The following CCNY variants were observed in gnomAD, a reference collection of about 807,000 sequenced individuals.
CCNY encodes the protein cyclin Y.
A neutral mutation model predicts 42.8 loss-of-function variants in CCNY; 19 were observed. The observed-to-expected ratio is 0.44, with a 90% confidence interval of 0.31 to 0.65. The LOEUF (loss-of-function observed/expected upper bound fraction) is 0.65. Ranked by LOEUF, CCNY falls within the 30% of genes least tolerant of loss-of-function variation. The pLI is 0.07. For synonymous variants in CCNY, 165 were observed against 162.7 expected, an observed-to-expected ratio of 1.01 and a Z score of -0.11; for missense variants, 370 against 437.3, an observed-to-expected ratio of 0.85 and a Z score of 1.37.
At chr10:35,529,679 A>G (rs999789397) in intron 5 of CCNY, among the ~76,000 whole-genome samples, 3 of 150,860 alleles carry the variant, frequency 2.0e-5, no homozygotes, top group African/African-American at 7.4e-5. Flanking sequence ...CCTGGCTAAC[A>G]TGGTGAAACC....
At chr10:35,406,232 TATTTA>T (rs1837762833) in intron 1 of CCNY, among the ~76,000 whole-genome samples, 1 of 148,746 alleles carries the variant, frequency 6.7e-6, no homozygotes, top group African/African-American at 2.5e-5. Flanking sequence ...TTTATTTATT[TATTTA>T]TTTATTTTTT....
At chr10:35,260,335 C>T (rs928502548) in intron 3 of CCNY, among the ~76,000 whole-genome samples, 1 of 152,128 alleles carries the variant, frequency 6.6e-6, no homozygotes, top group Admixed American at 6.6e-5. Flanking sequence ...AAGAGCCTAC[C>T]TCTGCAAGGC....
intron 3 of CCNY, among the ~76,000 whole-genome samples, chr10:35,310,824 C>G (rs1333181502): frequency 1.3e-5 from 2 of 152,142 alleles, no homozygotes; most frequent in African/African-American, 2.4e-5. Flanking sequence ...TTATATTATT[C>G]ACCAGGGCGA....
At chr10:35,320,954 C>CAA (rs879877771) in intron 3 of CCNY, 5 of 140,428 alleles carry the variant, frequency 3.6e-5, no homozygotes, top group Non-Finnish European at 6.2e-5. Flanking sequence ...ACAGCAAGAC[C>CAA]AAAAAAAAAA....
Position 35,572,127 on chromosome 10 carries a change from C to T in CCNY, c.*2957C>T, listed in dbSNP as rs1841698421. The T allele has an allele frequency of 6.6e-6, 1 of 152,174 alleles. No individual in the cohort carries two copies. The highest frequency in any genetic ancestry group is 6.5e-5 in the Admixed American group (1 of 15,274). 9.4% of individuals were successfully genotyped at this position (152,174 alleles called of 1,614,324 possible). On this transcript the variant is annotated 3_prime_UTR_variant, in exon 10 of 10. Coordinates refer to ENST00000374704, the MANE Select transcript of CCNY (RefSeq NM_145012.6). ...CTGCCTCCTCTTCTGGGCTGGCTTT[C>T]CTGTCTGCCTGCTCTCGGGCTTGGG...
In CCNY at chr10:35,263,356, CAAAAAAAAAAAAAAAA is replaced by C. The variant is rs71523372; in HGVS notation, c.-9+12743_-9+12758del. Reference sequence around the variant, plus strand: ...TGGATGACAGAGTGAGACTCCGTCTCAAAAAAAAAAAAAAAAAAAAAAAAAAAATTAAAAATTAGCT... The same window carrying C: ...TGGATGACAGAGTGAGACTCCGTCTCAAAAAAAAAAAATTAAAAATTAGCT... On this transcript the variant is annotated intron_variant, in intron 3 of 11. Coordinates refer to the CCNY transcript ENST00000374706. Among the ~76,000 whole-genome samples the C allele has an allele frequency of 2.4e-3, 105 of 44,318 alleles. 1 individual carries two copies. Among genetic ancestry groups the C allele is most frequent in the Admixed American group, 4.2e-3 (12 of 2,860 alleles). 29.1% of individuals were successfully genotyped at this position (44,318 alleles called of 152,430 possible). A position where few individuals can be genotyped will look rare whatever the true frequency, so the allele number is the denominator to read the frequency against.
chr10:35,271,743 C>T (rs2135044021), intron 3 of CCNY, among the ~76,000 whole-genome samples: 1 of 152,284 alleles, frequency 6.6e-6, no homozygotes, highest in Middle Eastern at 3.4e-3. Flanking sequence ...AATCCATTTC[C>T]TTGGCGCTTT....
intron 1 of CCNY, among the ~76,000 whole-genome samples, chr10:35,384,543 TC>T (rs1489437754): frequency 3.9e-5 from 6 of 152,244 alleles, no homozygotes; most frequent in Non-Finnish European, 5.9e-5. Flanking sequence ...TTAATATTTC[TC>T]CTTTTGACAT....
intron 1 of CCNY, among the ~76,000 whole-genome samples, chr10:35,403,097 A>C (rs899726657): frequency 4.4e-5 from 6 of 136,448 alleles, no homozygotes; most frequent in African/African-American, 1.6e-4. Flanking sequence ...GGCGGGGGAA[A>C]ATCCCTGAGC....
intron 1 of CCNY, among the ~76,000 whole-genome samples, chr10:35,459,850 T>TG (rs1839118441): frequency 2.6e-5 from 4 of 152,094 alleles, no homozygotes; most frequent in Admixed American, 6.6e-5. Context: ...GTTGGGTACT[T>TG]GGGGGGAATA....
At chr10:35,532,630 A>G (rs1165913877) in intron 7 of CCNY, among the ~76,000 whole-genome samples, 1 of 152,232 alleles carries the variant, frequency 6.6e-6, no homozygotes, top group Non-Finnish European at 1.5e-5. Flanking sequence ...GGAGTGAGGT[A>G]ATTGATTTGC....
chr10:35,380,811 C>G (rs1837166640), intron 1 of CCNY, among the ~76,000 whole-genome samples: 1 of 152,226 alleles, frequency 6.6e-6, no homozygotes. Context: ...TAAAGTTTGC[C>G]TGACATACAC....
chr10:35,448,657 C>A (rs1187509720), intron 1 of CCNY, among the ~76,000 whole-genome samples: 1 of 151,950 alleles, frequency 6.6e-6, no homozygotes, highest in Non-Finnish European at 1.5e-5. Flanking sequence ...GGGGAAGGAG[C>A]CTTCCCAGCA....
In CCNY at chr10:35,296,037, A is replaced by T. The variant is rs73264633; in HGVS notation, c.-9+45411A>T. On this transcript the variant is annotated intron_variant, in intron 3 of 11. Transcript: ENST00000374706. ...GACATAGCTAAGGCAGTGTTGAGGG[A>T]AGTTTATATTAATAGCACTAAACGT... Among the ~76,000 whole-genome samples the T allele has an allele frequency of 8.2e-3, 1,254 of 152,272 alleles. 19 individuals are homozygous for T. The highest frequency in any genetic ancestry group is 0.028 in the African/African-American group (1,179 of 41,550).
At chr10:35,301,888 C>T (rs1471211615) in intron 3 of CCNY, among the ~76,000 whole-genome samples, 2 of 152,196 alleles carry the variant, frequency 1.3e-5, no homozygotes, top group Non-Finnish European at 1.5e-5. Flanking sequence ...CCGCCTCGGC[C>T]TCCCAAAATG....
At chr10:35,561,333 T>C (rs1262275448) in intron 8 of CCNY, among the ~76,000 whole-genome samples, 1 of 152,254 alleles carries the variant, frequency 6.6e-6, no homozygotes, top group African/African-American at 2.4e-5. Context: ...GCTGCCCTGC[T>C]GCATTTTTCT....
intron 3 of CCNY, among the ~76,000 whole-genome samples, chr10:35,293,996 G>T (rs1239291867): frequency 1.3e-5 from 2 of 151,994 alleles, no homozygotes; most frequent in Non-Finnish European, 1.5e-5. Context: ...CACCATGTTG[G>T]TCAGGCTGGT....
At chr10:35,311,724 G>C (rs896548956) in intron 3 of CCNY, among the ~76,000 whole-genome samples, 1 of 132,172 alleles carries the variant, frequency 7.6e-6, no homozygotes, top group Non-Finnish European at 1.6e-5. Context: ...GGTGGCTCAC[G>C]CCTGTAATCC....
At chr10:35,422,200 A>G (rs1838173574) in intron 1 of CCNY, among the ~76,000 whole-genome samples, 1 of 152,114 alleles carries the variant, frequency 6.6e-6, no homozygotes, top group African/African-American at 2.4e-5. Context: ...TAAAACCTAC[A>G]GTCGTCAATA....
Sources: gnomAD v4.1 joint callset for allele counts (sites outside exome capture counted in the v4.1 genomes callset) on GRCh38, gnomAD v4.1.1 for gene constraint, MANE v1.5 for transcripts, NCBI Gene and HGNC (gene_info 2026-07-23, HGNC 2026-07-21) for gene names.